ABCC9: variants seen among roughly 807,000 people sequenced by gnomAD.
ABCC9 encodes the protein ATP-binding cassette sub-family C member 9.
A neutral mutation model predicts 188.3 loss-of-function variants in ABCC9; 95 were observed. The ratio of observed to expected loss-of-function variants is 0.50; its 90% CI spans 0.43 to 0.60. The LOEUF (loss-of-function observed/expected upper bound fraction) is 0.60, where lower values mean the gene tolerates loss of function less well. ABCC9 is among the 20% of genes least tolerant of loss of function. The pLI is 0.00. For missense variants in ABCC9, 1,102 were observed against 1,876.3 expected, an observed-to-expected ratio of 0.59 and a Z score of 7.62; for synonymous variants, 659 against 652.7, an observed-to-expected ratio of 1.01 and a Z score of -0.15.
Position 21,936,827 on chromosome 12 carries a change from A to G in ABCC9, c.-20-133T>C, listed in dbSNP as rs1949508549. The G allele has an allele frequency of 6.5e-5, 43 of 656,636 alleles. No homozygotes were observed. In the South Asian group the frequency reaches 9.7e-4, roughly 15 times the overall value. The allele number at this position is 656,636 out of a possible 1,614,324, so 40.7% of individuals were successfully genotyped here. A position where few individuals can be genotyped will look rare whatever the true frequency, so the allele number is the denominator to read the frequency against. On this transcript the variant is annotated intron_variant, in intron 2 of 39. Coordinates refer to ENST00000261200, the MANE Select transcript of ABCC9 (RefSeq NM_020297.4). The stretch of plus-strand genomic sequence containing the variant: ...TACTTTGATAGCTGAGGAAATAAGA[A>G]ACTCTGTGCCAAAGCAACTTGAAGC...
rs777706152 is a variant in ABCC9, at chr12:21,852,251, T to G, written c.2644-29A>C. On this transcript the variant is annotated intron_variant, in intron 23 of 39. Transcript: ENST00000261200. ...AGGAAAGCGGATATTCCCAGAAATG[T>G]GACGAAAAGCCTTGATTGGCAAAAT... 5.6e-6 allele frequency: 9 copies of G among 1,613,642 alleles called. No homozygotes were observed. The South Asian group carries it at 9.9e-5, about 18-fold the overall frequency.
intron 37 of ABCC9, 71 bp from the exon 38 acceptor site, chr12:21,807,550 A>G (rs779081697): frequency 1.1e-5 from 18 of 1,597,160 alleles, no homozygotes; most frequent in Non-Finnish European, 1.5e-5. Flanking sequence ...CAAAATCATG[A>G]AAAACACATT....
chr12:21,805,668 T>C (rs529635641), intron 39 of ABCC9, among the ~76,000 whole-genome samples: 1 of 152,168 alleles, frequency 6.6e-6, no homozygotes, highest in African/African-American at 2.4e-5. Flanking sequence ...AAACTGCTCA[T>C]CAGACCATCA....
intron 29 of ABCC9, among the ~76,000 whole-genome samples, chr12:21,840,324 A>T (rs1478263129): frequency 1.3e-5 from 2 of 152,190 alleles, no homozygotes; most frequent in African/African-American, 4.8e-5. Flanking sequence ...GTGAGGTTTA[A>T]TATCATATGG....
chr12:21,813,796 T>C (rs990060750), intron 35 of ABCC9, among the ~76,000 whole-genome samples: 7 of 152,198 alleles, frequency 4.6e-5, no homozygotes, highest in Admixed American at 2.0e-4. Flanking sequence ...TTGTTGTTCA[T>C]AAACTGACCT....
chr12:21,906,508 C>T (rs2137840105), intron 11 of ABCC9, among the ~76,000 whole-genome samples: 1 of 152,174 alleles, frequency 6.6e-6, no homozygotes, highest in Admixed American at 6.5e-5. Flanking sequence ...CACCTAAAAA[C>T]ATGTATGTCT....
chr12:21,872,481 T>C, intron 18 of ABCC9, 144 bp downstream of exon 18: 1 of 669,084 alleles, frequency 1.5e-6, no homozygotes, highest in South Asian at 1.8e-5. Flanking sequence ...TTTTAAGGTT[T>C]CCATCAATTT....
intron 12 of ABCC9, among the ~76,000 whole-genome samples, chr12:21,904,593 A>G (rs1245744338): frequency 6.6e-6 from 1 of 152,170 alleles, no homozygotes; most frequent in African/African-American, 2.4e-5. Flanking sequence ...AAAAAAACAA[A>G]CAACCCCATC....
intron 31 of ABCC9, among the ~76,000 whole-genome samples, chr12:21,818,645 T>C (rs930563557): frequency 5.2e-4 from 58 of 112,130 alleles, no homozygotes; most frequent in African/African-American, 2.8e-3. Flanking sequence ...TAGGGTTTAC[T>C]TTTTTTTTTT....
Position 21,845,654 on chromosome 12 carries a change from C to T in ABCC9, c.3045G>A (p.Leu1015=). 2 of 1,613,804 alleles carry T rather than the reference C, an allele frequency of 1.2e-6. No individual in the cohort carries two copies. Among genetic ancestry groups the T allele is most frequent in the East Asian group, 4.5e-5 (2 of 44,856 alleles). Residue 1015 remains leucine, a synonymous_variant, in exon 26 of 40, where the codon CTG becomes CTA. Coordinates refer to ENST00000261200, the MANE Select transcript of ABCC9 (RefSeq NM_020297.4). ...TACTGTACTCCGATGTCCATGTGGC[C>T]AGCCAATAGTCTATAGCTACAATGA... ...HSVIVAIDYW[L]ATWTSEYSIN...
intron 35 of ABCC9, among the ~76,000 whole-genome samples, 179 bp from the exon 36 acceptor site, chr12:21,812,336 A>G (rs1051414494): frequency 3.3e-5 from 5 of 152,198 alleles, no homozygotes; most frequent in African/African-American, 1.2e-4. Flanking sequence ...TGACTCAGCA[A>G]TCCCATTACT....
intron 31 of ABCC9, among the ~76,000 whole-genome samples, chr12:21,819,477 A>G (rs1284631487): frequency 1.3e-5 from 2 of 152,224 alleles, no homozygotes; most frequent in African/African-American, 2.4e-5. Context: ...GTTGGAGAAC[A>G]ACCAATGATC....
intron 12 of ABCC9, among the ~76,000 whole-genome samples, chr12:21,898,879 T>A (rs553179114): frequency 6.6e-6 from 1 of 152,294 alleles, no homozygotes; most frequent in East Asian, 1.9e-4. Flanking sequence ...GAAAATATAT[T>A]GGAAAAAAGG....
chr12:21,828,917 C>T (rs1943550192), intron 31 of ABCC9, 41 bp downstream of exon 31: 2 of 1,526,444 alleles, frequency 1.3e-6, no homozygotes, highest in Admixed American at 3.3e-5. Flanking sequence ...CAGGCGTCTT[C>T]TCTATTTGGT....
intron 29 of ABCC9, among the ~76,000 whole-genome samples, chr12:21,839,033 A>G (rs1052383521): frequency 1.3e-5 from 2 of 152,198 alleles, no homozygotes; most frequent in African/African-American, 4.8e-5. Context: ...CTCAAAAATA[A>G]AACAGAAAGA....
chr12:21,875,645 A>T lies in ABCC9; in HGVS notation c.2092+9T>A. On this transcript the variant is annotated intron_variant, in intron 17 of 39. Coordinates refer to ENST00000261200, the MANE Select transcript of ABCC9 (RefSeq NM_020297.4). Reference sequence around the variant, plus strand: ...ACAATTACAAAAATGCATAACAGATAACTCTTACCTGTTGGAATTCGAATA... The same window carrying T: ...ACAATTACAAAAATGCATAACAGATTACTCTTACCTGTTGGAATTCGAATA... 1 of 1,596,646 alleles carries T rather than the reference A, an allele frequency of 6.3e-7. No homozygotes were observed. The highest frequency in any genetic ancestry group is 1.1e-5 in the South Asian group (1 of 90,656).
chr12:21,871,999 A>G (rs1946107941), intron 18 of ABCC9, among the ~76,000 whole-genome samples: 1 of 152,206 alleles, frequency 6.6e-6, no homozygotes, highest in Non-Finnish European at 1.5e-5. Context: ...GAATCACTTT[A>G]TTACCACAAT....
chr12:21,830,837 A>G (rs1327522425), intron 30 of ABCC9, among the ~76,000 whole-genome samples: 1 of 152,180 alleles, frequency 6.6e-6, no homozygotes, highest in East Asian at 1.9e-4. Flanking sequence ...GGCAGCACTC[A>G]TGCTGTGGGA....
At chr12:21,879,097 A>G (rs1053127181) in intron 16 of ABCC9, among the ~76,000 whole-genome samples, 2 of 152,238 alleles carry the variant, frequency 1.3e-5, no homozygotes, top group Non-Finnish European at 2.9e-5. Flanking sequence ...GCAGCGACAC[A>G]TTCTACAAGA....
Sources: allele counts gnomAD v4.1 joint callset (sites outside exome capture counted in the v4.1 genomes callset), GRCh38; gene constraint gnomAD v4.1.1; transcripts MANE v1.5; gene names NCBI Gene and HGNC (gene_info 2026-07-23, HGNC 2026-07-21).